SYT16: variants seen among roughly 807,000 people sequenced by gnomAD.
SYT16 encodes synaptotagmin-16.
SYT16 carries 42 observed loss-of-function variants against 61.4 expected under a neutral mutation model. The ratio of observed to expected loss-of-function variants is 0.68; its 90% CI spans 0.53 to 0.89. The LOEUF (loss-of-function observed/expected upper bound fraction) is 0.89. Ranked by LOEUF, SYT16 falls within the 40% of genes least tolerant of loss-of-function variation. The pLI is 0.00. For synonymous variants in SYT16, 314 were observed against 302.3 expected, an observed-to-expected ratio of 1.04 and a Z score of -0.40; for missense variants, 804 against 807.3, an observed-to-expected ratio of 1.00 and a Z score of 0.05.
chr14:61,843,640 A>G (rs553212371), intron 1 of SYT16, among the ~76,000 whole-genome samples: 1 of 152,250 alleles, frequency 6.6e-6, no homozygotes, highest in South Asian at 2.1e-4. Context: ...CAGTTTTCCC[A>G]CCACCATTTA....
At chr14:62,052,502 C>T (rs79867094) in intron 3 of SYT16, among the ~76,000 whole-genome samples, 10 of 152,102 alleles carry the variant, frequency 6.6e-5, no homozygotes, top group South Asian at 2.1e-4. Context: ...CATATGCATG[C>T]GATTACTATG....
intron 1 of SYT16, among the ~76,000 whole-genome samples, chr14:61,966,075 A>C (rs2051303974): frequency 6.6e-6 from 1 of 152,174 alleles, no homozygotes; most frequent in South Asian, 2.1e-4. Context: ...GGAAGAAAAA[A>C]ATATTGGGAC....
rs966493832 is a variant in SYT16, at chr14:62,108,722, T to C, written c.*8015T>C. On this transcript the variant is annotated 3_prime_UTR_variant, in exon 8 of 8. Coordinates refer to ENST00000683842, the MANE Select transcript of SYT16 (RefSeq NM_001367656.1). The stretch of plus-strand genomic sequence containing the variant: ...AGAATTTTAAAACTTAATTTCAGTA[T>C]AGATTTTAAGTTTGTGAATAAGAAA... 2.0e-5 allele frequency: 3 copies of C among 152,192 alleles called. No individual in the cohort carries two copies. The highest frequency in any genetic ancestry group is 7.2e-5 in the African/African-American group (3 of 41,458). 9.4% of individuals were successfully genotyped at this position (152,192 alleles called of 1,614,324 possible).
intron 1 of SYT16, among the ~76,000 whole-genome samples, chr14:61,960,797 T>G (rs1040881668): frequency 2.0e-5 from 3 of 152,156 alleles, no homozygotes; most frequent in African/African-American, 7.2e-5. Context: ...GGGGAATGCT[T>G]CCAGGTTTTG....
chr14:62,061,210 T>A (rs1235959045), intron 3 of SYT16, among the ~76,000 whole-genome samples: 1 of 152,004 alleles, frequency 6.6e-6, no homozygotes, highest in Non-Finnish European at 1.5e-5. Flanking sequence ...TAGGACACAA[T>A]CCCTAGAACA....
intron 1 of SYT16, among the ~76,000 whole-genome samples, chr14:61,879,299 G>A (rs1303850574): frequency 6.6e-6 from 1 of 152,180 alleles, no homozygotes; most frequent in Admixed American, 6.5e-5. Context: ...TGACCTTCAA[G>A]TTAATAAAAT....
chr14:61,996,006 T>C lies in SYT16; in HGVS notation c.-14T>C. 2 of 1,569,668 alleles carry C rather than the reference T, an allele frequency of 1.3e-6. No individual in the cohort carries two copies. Among genetic ancestry groups the C allele is most frequent in the East Asian group, 2.3e-5 (1 of 44,420 alleles). ...ACTGAACAACTGGACACTGTAGACA[T>C]CAGATAGCTGGCCATGGTGTTGGCC... On this transcript the variant is annotated 5_prime_UTR_variant, in exon 3 of 8. Transcript: ENST00000683842.
intron 2 of SYT16, among the ~76,000 whole-genome samples, chr14:61,974,988 A>G (rs904852945): frequency 2.0e-5 from 3 of 152,252 alleles, no homozygotes; most frequent in Admixed American, 6.5e-5. Context: ...GACCTGCCCC[A>G]GCAGGTGTGG....
Position 62,075,144 on chromosome 14 carries a change from G to C in SYT16, c.746G>C (p.Gly249Ala). Residue 249 changes from glycine (G) to alanine (A), a missense_variant, in exon 5 of 8, where the codon GGA becomes GCA. By Grantham distance (60) the Gly-to-Ala change is moderately conservative. Coordinates refer to ENST00000683842, the MANE Select transcript of SYT16 (RefSeq NM_001367656.1). ...TEVSACEDLD[G>A]ASQRRYSENL... ...CTTATTGCAAATTTAGATTTGGATG[G>C]AGCCAGCCAACGGCGTTATTCTGAG... The C allele has an allele frequency of 6.2e-7, 1 of 1,606,124 alleles. No homozygotes were observed. Among genetic ancestry groups the C allele is most frequent in the Non-Finnish European group, 8.5e-7 (1 of 1,174,826 alleles).
chr14:61,945,036 TACAAGAAAAAAA>T (rs1052997667), intron 1 of SYT16, among the ~76,000 whole-genome samples: 2 of 152,028 alleles, frequency 1.3e-5, no homozygotes, highest in African/African-American at 4.8e-5. Flanking sequence ...TAAACAAATT[TACAAGAAAAAAA>T]ACAACCCCAT....
chr14:62,086,993 T>C (rs1172965781), intron 7 of SYT16, among the ~76,000 whole-genome samples: 1 of 152,218 alleles, frequency 6.6e-6, no homozygotes, highest in East Asian at 1.9e-4. Flanking sequence ...GATGAGAAAG[T>C]AGAAGGTTCC....
chr14:61,980,556 G>A (rs1427017364), intron 2 of SYT16, among the ~76,000 whole-genome samples: 4 of 152,212 alleles, frequency 2.6e-5, no homozygotes, highest in Non-Finnish European at 4.4e-5. Context: ...CAAAAAACTC[G>A]GCTGAGAGAT....
At chr14:61,813,267 T>A (rs2140199283) in intron 1 of SYT16, among the ~76,000 whole-genome samples, 1 of 152,300 alleles carries the variant, frequency 6.6e-6, no homozygotes, top group South Asian at 2.1e-4. Flanking sequence ...ACGGGCTGTA[T>A]TCGCAGCGGG....
At chr14:62,060,261 G>A (rs2055767482) in intron 3 of SYT16, among the ~76,000 whole-genome samples, 1 of 152,018 alleles carries the variant, frequency 6.6e-6, no homozygotes, top group East Asian at 1.9e-4. Flanking sequence ...CTTTTAGTGT[G>A]AGAGTTTTGA....
At chr14:61,994,575 C>T (rs2052686377) in intron 2 of SYT16, among the ~76,000 whole-genome samples, 3 of 152,096 alleles carry the variant, frequency 2.0e-5, no homozygotes, top group Non-Finnish European at 4.4e-5. Context: ...ACTCTTGCAG[C>T]TGGTGAATAT....
chr14:62,093,183 G>A (rs2057151994), intron 7 of SYT16, among the ~76,000 whole-genome samples: 1 of 152,002 alleles, frequency 6.6e-6, no homozygotes, highest in African/African-American at 2.4e-5. Flanking sequence ...GAAGAGAGTA[G>A]AGATTTTGAT....
In SYT16 at chr14:61,851,716, A is replaced by C. The variant is rs565398153; in HGVS notation, c.-325+38906A>C. 1.4e-4 allele frequency among the ~76,000 whole-genome samples: 22 copies of C among 152,334 alleles called. No individual in the cohort carries two copies. The South Asian group carries it at 2.9e-3, about 20-fold the overall frequency. On this transcript the variant is annotated intron_variant, in intron 1 of 7. Transcript: ENST00000683842. ...GTTGCATGTATGTCTTCTTTTGAGAAGTGTCTATTCATGTCTTTTGCCCAC... is the reference window on the plus strand; with the variant it reads ...GTTGCATGTATGTCTTCTTTTGAGACGTGTCTATTCATGTCTTTTGCCCAC...
intron 4 of SYT16, among the ~76,000 whole-genome samples, chr14:62,073,314 A>G (rs1347465626): frequency 6.6e-6 from 1 of 152,162 alleles, no homozygotes; most frequent in Non-Finnish European, 1.5e-5. Context: ...TTGTGCTGAA[A>G]TCCTGCTGGG....
At chr14:61,964,185 T>C (rs1442504720) in intron 1 of SYT16, among the ~76,000 whole-genome samples, 1 of 152,174 alleles carries the variant, frequency 6.6e-6, no homozygotes, top group Non-Finnish European at 1.5e-5. Context: ...ATTTAAGAAA[T>C]ATGTTTTGCA....
Sources: allele counts gnomAD v4.1 joint callset (sites outside exome capture counted in the v4.1 genomes callset), GRCh38; gene constraint gnomAD v4.1.1; transcripts MANE v1.5; gene names NCBI Gene and HGNC (gene_info 2026-07-23, HGNC 2026-07-21).